Variants in NBPF15 observed in about 807,000 individuals in gnomAD.
NBPF15 encodes NBPF member 15.
Under a neutral mutation model 62.2 loss-of-function variants are expected in NBPF15, and 74 were observed. The observed-to-expected ratio is 1.19, with a 90% CI of 0.99 to 1.44. The LOEUF is 1.44. Among genes scored for constraint, NBPF15 ranks in the 40% most tolerant of loss-of-function variants. The pLI is 0.00. For missense variants in NBPF15, 790 were observed against 550.0 expected, an observed-to-expected ratio of 1.44 and a Z score of -4.36; for synonymous variants, 244 against 209.7, an observed-to-expected ratio of 1.16 and a Z score of -1.41.
chr1:144,444,818 A>T (rs1308628921), intron 6 of NBPF15, among the ~76,000 whole-genome samples: 2 of 151,996 alleles, frequency 1.3e-5, no homozygotes, highest in African/African-American at 4.8e-5. Context: ...CACGAGAAAT[A>T]GCAGCCCGCC....
Position 144,423,987 on chromosome 1 carries a change from T to G in NBPF15, c.1664-12A>C, listed in dbSNP as rs1240653159. 2 of 764,622 alleles carry G rather than the reference T, an allele frequency of 2.6e-6. No homozygotes were observed. The highest frequency in any genetic ancestry group is 3.4e-5 in the African/African-American group (2 of 58,896). 47.4% of individuals were successfully genotyped at this position (764,622 alleles called of 1,614,324 possible). ...CTTCTTTTCAATTTCTGCAATAAAT[T>G]CAGACATGGACAGACACATTAAGCT... is the stretch of plus-strand genomic sequence containing the variant. On this transcript the variant is annotated splice_polypyrimidine_tract_variant and intron_variant, in intron 20 of 21. Transcript: ENST00000581897.
At chr1:144,431,429 T>A (rs1473079165) in intron 13 of NBPF15, among the ~76,000 whole-genome samples, 1 of 150,726 alleles carries the variant, frequency 6.6e-6, no homozygotes, top group Admixed American at 6.6e-5. Flanking sequence ...CAACATTCTT[T>A]TTTTTTCCAT....
intron 21 of NBPF15, 49 bp from the exon 22 acceptor site, chr1:144,423,305 C>A: frequency 3.1e-6 from 5 of 1,611,090 alleles, no homozygotes; most frequent in Non-Finnish European, 4.2e-6. Context: ...AATCAGACAC[C>A]ACAGAGCCCC....
rs9438288 is a variant in NBPF15, at chr1:144,453,556, T to C, written c.-431-2686A>G. ...ATGGAAAAAGCAAGTCACAGACTGG[T>C]AGAAAATATTTACAAAATAATCTGA... On this transcript the variant is annotated intron_variant, in intron 4 of 21. Transcript: ENST00000581897. Among the ~76,000 whole-genome samples, 3 of 140,858 alleles carry C rather than the reference T, an allele frequency of 2.1e-5. No homozygotes were observed. The East Asian group carries it at 6.3e-4, about 30-fold the overall frequency. The allele number at this position is 140,858 out of a possible 152,430, so 92.4% of individuals were successfully genotyped here.
chr1:144,456,375 A>G (rs1647827612), intron 4 of NBPF15, among the ~76,000 whole-genome samples, 162 bp downstream of exon 4: 1 of 152,008 alleles, frequency 6.6e-6, no homozygotes, highest in African/African-American at 2.4e-5. Context: ...CACGCTGTGA[A>G]TATTTGTTCA....
chr1:144,423,881 T>A lies in NBPF15; in HGVS notation c.1758A>T (p.Pro586=), dbSNP rs868926616. The part of the protein sequence containing the change: ...RGRKEGEDDN[P]PCPRLYGVLM... ...TTGCTGAAAGTTACCTGGGGCATGG[T>A]GGGTTGTCATCTTCCCCTTCTTTTC... is the stretch of plus-strand genomic sequence containing the variant. The change falls in exon 21 of 22, where the codon CCA becomes CCT. Residue 586 remains proline, a synonymous_variant. Coordinates refer to ENST00000581897, the MANE Select transcript of NBPF15 (RefSeq NM_001385408.1). The A allele has an allele frequency of 1.3e-6, 1 of 775,964 alleles. No individual in the cohort carries two copies. Among genetic ancestry groups the A allele is most frequent in the South Asian group, 1.3e-5 (1 of 74,730 alleles). 48.1% of individuals were successfully genotyped at this position (775,964 alleles called of 1,614,324 possible). A position where few individuals can be genotyped will look rare whatever the true frequency, so the allele number is the denominator to read the frequency against.
chr1:144,425,137 A>T, intron 19 of NBPF15, among the ~76,000 whole-genome samples: 1 of 145,072 alleles, frequency 6.9e-6, no homozygotes, highest in Non-Finnish European at 1.5e-5. Context: ...GAACGAGCTC[A>T]GTGAATTGTC....
At chr1:144,452,204 T>C (rs587698875) in intron 4 of NBPF15, among the ~76,000 whole-genome samples, 1 of 152,138 alleles carries the variant, frequency 6.6e-6, no homozygotes, top group East Asian at 1.9e-4. Context: ...CAAATATTAT[T>C]ATGTGAAAAT....
chr1:144,422,938 T>C lies in NBPF15; in HGVS notation c.*75A>G. 3 of 1,611,518 alleles carry C rather than the reference T, an allele frequency of 1.9e-6. No homozygotes were observed. The highest frequency in any genetic ancestry group is 1.7e-6 in the Non-Finnish European group (2 of 1,179,546). On this transcript the variant is annotated 3_prime_UTR_variant, in exon 22 of 22. Coordinates refer to ENST00000581897, the MANE Select transcript of NBPF15 (RefSeq NM_001385408.1). ...ATGTCTGGGCTTCCAAATGGAACTG[T>C]ACTTTCATTCAAATCTTCTCGTGCC...
In NBPF15 at chr1:144,460,869, C is replaced by G. The variant is rs78811248; in HGVS notation, c.-845G>C. 1 of 151,388 alleles carries G rather than the reference C, an allele frequency of 6.6e-6. No individual in the cohort carries two copies. The allele number at this position is 151,388 out of a possible 1,614,324, so 9.4% of individuals were successfully genotyped here. A position where few individuals can be genotyped will look rare whatever the true frequency, so the allele number is the denominator to read the frequency against. Reference sequence around the variant, plus strand: ...GGAAATCCTGCGGTGAATTAGAGGCCTGCCCCGCTAGTCATGAGGTGATTC... The same window carrying G: ...GGAAATCCTGCGGTGAATTAGAGGCGTGCCCCGCTAGTCATGAGGTGATTC... On this transcript the variant is annotated 5_prime_UTR_variant, in exon 2 of 22. Coordinates refer to ENST00000581897, the MANE Select transcript of NBPF15 (RefSeq NM_001385408.1).
At chr1:144,459,520 C>T (rs1213381077) in intron 2 of NBPF15, 37 bp from the exon 3 acceptor site, 1 of 151,224 alleles carries the variant, frequency 6.6e-6, no homozygotes, top group Non-Finnish European at 1.5e-5. Context: ...AGAGAATCTC[C>T]ATTCATGAAT....
In NBPF15 at chr1:144,435,780, C is replaced by G; in HGVS notation, c.566+1G>C. The G allele has an allele frequency of 1.2e-6, 1 of 853,452 alleles. No homozygotes were observed. The highest frequency in any genetic ancestry group is 2.0e-6 in the Non-Finnish European group (1 of 498,362). The allele number at this position is 853,452 out of a possible 1,614,324, so 52.9% of individuals were successfully genotyped here. On this transcript the variant is annotated splice_donor_variant, in intron 11 of 21. Transcript: ENST00000581897. LOFTEE classifies it high-confidence loss of function. ...AATTGTTCCTGAGTATTCAGTGTTACCTGGGGGCAGACGATTTCTGCACTT... is the reference window on the plus strand; with the variant it reads ...AATTGTTCCTGAGTATTCAGTGTTAGCTGGGGGCAGACGATTTCTGCACTT...
intron 6 of NBPF15, among the ~76,000 whole-genome samples, chr1:144,445,766 C>T (rs1372918085): frequency 1.3e-5 from 2 of 151,194 alleles, no homozygotes; most frequent in Middle Eastern, 3.4e-3. Context: ...GGTTTATCTC[C>T]CCACTAATTT....
chr1:144,444,487 T>A (rs373098901), intron 6 of NBPF15, among the ~76,000 whole-genome samples: 1 of 151,642 alleles, frequency 6.6e-6, no homozygotes, highest in African/African-American at 2.4e-5. Context: ...GAAGGGACTC[T>A]CCAAACCTCT....
In NBPF15 at chr1:144,435,174, C is replaced by T. The variant is rs201553147; in HGVS notation, c.709G>A (p.Asp237Asn). The T allele has an allele frequency of 0.015, 24,349 of 1,612,902 alleles. 461 individuals carry two copies. Among genetic ancestry groups the T allele is most frequent in the Non-Finnish European group, 0.017 (19,765 of 1,179,702 alleles). ...TKITFEEDKV[D>N]STLIGSSSHV... ...GAGGATGAGCCAATGAGAGTTGAGT[C>T]GACTTTGTCTTCCTCAAATGTGATT... The change falls in exon 12 of 22, where the codon GAC becomes AAC. Residue 237 changes from aspartate (D) to asparagine (N), a missense_variant. Transcript: ENST00000581897.
chr1:144,459,660 T>C (rs587628566), intron 2 of NBPF15, among the ~76,000 whole-genome samples, 177 bp from the exon 3 acceptor site: 6 of 151,688 alleles, frequency 4.0e-5, no homozygotes, highest in African/African-American at 1.2e-4. Flanking sequence ...AGCATATCAA[T>C]GAAAACTGGA....
At chr1:144,427,182 G>A (rs1423315117) in intron 16 of NBPF15, 84 bp from the exon 17 acceptor site, 20 of 603,360 alleles carry the variant, frequency 3.3e-5, no homozygotes, top group Non-Finnish European at 5.3e-5. Flanking sequence ...CTCACACAGG[G>A]ACTTCAGGCT....
At chr1:144,457,117 A>G (rs1203649582) in intron 3 of NBPF15, among the ~76,000 whole-genome samples, 1 of 151,980 alleles carries the variant, frequency 6.6e-6, no homozygotes, top group African/African-American at 2.4e-5. Flanking sequence ...ATTAGAGGTT[A>G]GTGAGCTATG....
chr1:144,422,208 T>A lies in NBPF15; in HGVS notation c.*805A>T. On this transcript the variant is annotated 3_prime_UTR_variant, in exon 22 of 22. Coordinates refer to ENST00000581897, the MANE Select transcript of NBPF15 (RefSeq NM_001385408.1). ...GAAGGAGACAGGTCAGTTGTCCTGC[T>A]CAGTGTTCTACATTCTGCAGTTGTC... is the stretch of plus-strand genomic sequence containing the variant. 2 of 89,888 alleles carry A rather than the reference T, an allele frequency of 2.2e-5. No homozygotes were observed. The highest frequency in any genetic ancestry group is 9.6e-5 in the African/African-American group (2 of 20,794). 5.6% of individuals were successfully genotyped at this position (89,888 alleles called of 1,614,324 possible). A position where few individuals can be genotyped will look rare whatever the true frequency, so the allele number is the denominator to read the frequency against.
Sources: allele counts gnomAD v4.1 joint callset (sites outside exome capture counted in the v4.1 genomes callset), GRCh38; gene constraint gnomAD v4.1.1; transcripts MANE v1.5; gene names NCBI Gene and HGNC (gene_info 2026-07-23, HGNC 2026-07-21).